MBNL2: variants seen among roughly 807,000 people sequenced by gnomAD.
The protein encoded by MBNL2 is muscleblind-like protein 2.
Under a neutral mutation model 41.9 loss-of-function variants are expected in MBNL2, and 17 were observed. That is an observed-to-expected ratio of 0.41 (90% CI 0.28 to 0.61). The LOEUF (loss-of-function observed/expected upper bound fraction) is 0.61. Among genes scored for constraint, MBNL2 ranks in the 20% least tolerant of loss-of-function variants. The pLI is 0.35. For synonymous variants in MBNL2, 195 were observed against 182.9 expected (o/e 1.07, Z -0.53); for missense variants, 336 against 505.6 (o/e 0.66, Z 3.22).
chr13:97,340,282 A>C (rs1281235691), intron 3 of MBNL2, among the ~76,000 whole-genome samples: 2 of 152,256 alleles, frequency 1.3e-5, no homozygotes, highest in African/African-American at 4.8e-5. Context: ...AAAAAGGAAC[A>C]TATCCAACTG....
upstream of MBNL2, among the ~76,000 whole-genome samples, chr13:97,219,467 T>C (rs746527905): frequency 1.3e-4 from 20 of 152,164 alleles, no homozygotes; most frequent in Non-Finnish European, 2.6e-4. Context: ...TGTTTTCTCA[T>C]AGTTCTGGAG....
Position 97,330,056 on chromosome 13 carries a change from G to C in MBNL2, c.175-4220G>C, listed in dbSNP as rs182962464. ...ATCTGTCTTCCCCACAAGACTGCAG[G>C]CTTCATGAAGGGAGACACCATGTCT... On this transcript the variant is annotated intron_variant, in intron 2 of 8. Coordinates refer to ENST00000679496, the MANE Select transcript of MBNL2 (RefSeq NM_001382683.1). 5.9e-5 allele frequency among the ~76,000 whole-genome samples: 9 copies of C among 152,288 alleles called. No homozygotes were observed. In the East Asian group the frequency reaches 1.4e-3, roughly 23 times the overall value.
chr13:97,175,159 C>T, the MBNL2 span, among the ~76,000 whole-genome samples: 1 of 152,102 alleles, frequency 6.6e-6, no homozygotes, highest in East Asian at 1.9e-4. Context: ...AGGGACTTCC[C>T]AACAGCCTGG....
chr13:97,288,506 A>C (rs774849764), intron 2 of MBNL2, among the ~76,000 whole-genome samples: 119 of 152,292 alleles, frequency 7.8e-4, no homozygotes, highest in Non-Finnish European at 1.1e-3. Flanking sequence ...GCACATAATC[A>C]AGTCCCCAAG....
At chr13:97,329,650 A>C in intron 2 of MBNL2, among the ~76,000 whole-genome samples, 1 of 151,924 alleles carries the variant, frequency 6.6e-6, no homozygotes, top group South Asian at 2.1e-4. Flanking sequence ...CACACACAAT[A>C]CACACACATG....
upstream of MBNL2, among the ~76,000 whole-genome samples, chr13:97,216,889 G>A (rs1012436480): frequency 5.3e-5 from 8 of 150,422 alleles, no homozygotes; most frequent in Non-Finnish European, 1.2e-4. Flanking sequence ...TACATATGTA[G>A]TATATTTACA....
chr13:97,313,032 T>C (rs922469814), intron 2 of MBNL2, among the ~76,000 whole-genome samples: 1 of 152,200 alleles, frequency 6.6e-6, no homozygotes, highest in Admixed American at 6.5e-5. Context: ...AGCAATCGTC[T>C]ACAGAGGGAA....
chr13:97,262,811 T>G (rs1450690211), intron 1 of MBNL2, among the ~76,000 whole-genome samples: 1 of 152,188 alleles, frequency 6.6e-6, no homozygotes, highest in East Asian at 1.9e-4. Flanking sequence ...GTCCCCAGAC[T>G]GGAGTGCAGT....
At chr13:97,203,039 G>A in the MBNL2 span, among the ~76,000 whole-genome samples, 1 of 152,168 alleles carries the variant, frequency 6.6e-6, no homozygotes, top group Non-Finnish European at 1.5e-5. Context: ...TTCCTTTGGG[G>A]AGGAGTGACA....
intron 2 of MBNL2, among the ~76,000 whole-genome samples, chr13:97,277,478 C>G (rs761446349): frequency 6.6e-6 from 1 of 152,016 alleles, no homozygotes; most frequent in Non-Finnish European, 1.5e-5. Context: ...AAATAGTGAC[C>G]CTAGCCTATT....
chr13:97,171,464 TA>T, the MBNL2 span, among the ~76,000 whole-genome samples: 2 of 152,156 alleles, frequency 1.3e-5, no homozygotes, highest in Non-Finnish European at 2.9e-5. Flanking sequence ...ATTAGAGCTG[TA>T]AAAAAATTTT....
intron 5 of MBNL2, among the ~76,000 whole-genome samples, chr13:97,348,074 A>ATTT (rs71692187): frequency 0.2 from 23,911 of 119,868 alleles, 2,536 homozygotes; most frequent in Non-Finnish European, 0.23. Context: ...GGGCAGTGGG[A>ATTT]TTTTTTTTTT....
intron 3 of MBNL2, among the ~76,000 whole-genome samples, chr13:97,340,199 G>A (rs995882532): frequency 3.3e-5 from 5 of 152,178 alleles, no homozygotes; most frequent in Non-Finnish European, 4.4e-5. Context: ...TATTAACACG[G>A]AGTGAGCCTC....
At chr13:97,150,718 G>A in the MBNL2 span, among the ~76,000 whole-genome samples, 1 of 152,132 alleles carries the variant, frequency 6.6e-6, no homozygotes, top group East Asian at 1.9e-4. Flanking sequence ...TGTTGCCCAG[G>A]TTGATCTCAA....
chr13:97,308,735 AC>A (rs1465132199), intron 2 of MBNL2, among the ~76,000 whole-genome samples: 2 of 152,204 alleles, frequency 1.3e-5, no homozygotes, highest in Non-Finnish European at 2.9e-5. Context: ...TGATTTGTTC[AC>A]AAAAGATACA....
chr13:97,219,507 T>G (rs1267404872), upstream of MBNL2, among the ~76,000 whole-genome samples: 1 of 152,224 alleles, frequency 6.6e-6, no homozygotes, highest in Non-Finnish European at 1.5e-5. Flanking sequence ...AGTGCCAGCA[T>G]GGTCAGGTTC....
At chr13:97,325,747 A>C (rs945871921) in intron 2 of MBNL2, among the ~76,000 whole-genome samples, 1 of 152,196 alleles carries the variant, frequency 6.6e-6, no homozygotes, top group African/African-American at 2.4e-5. Context: ...AAAATAAAAA[A>C]TTTTTAAAAG....
chr13:97,284,302 G>C (rs1594147784), intron 2 of MBNL2, among the ~76,000 whole-genome samples: 3 of 152,266 alleles, frequency 2.0e-5, no homozygotes, highest in South Asian at 4.2e-4. Context: ...TTGGGGGAGA[G>C]GGGTGGAAAC....
chr13:97,277,727 C>T (rs1254510177), intron 2 of MBNL2, among the ~76,000 whole-genome samples: 5 of 152,120 alleles, frequency 3.3e-5, no homozygotes, highest in Admixed American at 6.5e-5. Flanking sequence ...TAATCTACAT[C>T]AATACCTACT....
Sources: allele counts gnomAD v4.1 joint callset (sites outside exome capture counted in the v4.1 genomes callset), GRCh38; gene constraint gnomAD v4.1.1; transcripts MANE v1.5; gene names NCBI Gene and HGNC (gene_info 2026-07-23, HGNC 2026-07-21).